CCNG2: variants seen among roughly 807,000 people sequenced by gnomAD.
The protein encoded by CCNG2 is cyclin-G2.
Under a neutral mutation model 36.5 loss-of-function variants are expected in CCNG2, and 20 were observed. That is an observed-to-expected ratio of 0.55 (90% CI 0.39 to 0.80). The LOEUF is 0.80. Among genes scored for constraint, CCNG2 ranks in the 30% least tolerant of loss-of-function variants. CCNG2 has a pLI of 0.00. For missense variants in CCNG2, 358 were observed against 390.8 expected (o/e 0.92, Z 0.71); for synonymous variants, 155 against 140.1 (o/e 1.11, Z -0.75).
chr4:77,157,964 C>G (rs1731311534), intron 1 of CCNG2, among the ~76,000 whole-genome samples: 1 of 152,098 alleles, frequency 6.6e-6, no homozygotes, highest in South Asian at 2.1e-4. Flanking sequence ...GGGTATCCGC[C>G]TCTCGGGTAA....
Position 77,158,763 on chromosome 4 carries a change from C to T in CCNG2, c.138+93C>T. ...CCCGTTGAATCATGACTAAAGCCTG[C>T]AAAATTTCTTAAAAGTTGTTCTTTC... On this transcript the variant is annotated intron_variant, in intron 2 of 7. Coordinates refer to ENST00000316355, the MANE Select transcript of CCNG2 (RefSeq NM_004354.3). 13 of 1,336,594 alleles carry T rather than the reference C, an allele frequency of 9.7e-6. 1 individual carries two copies. The South Asian group carries it at 1.6e-4, about 17-fold the overall frequency. 82.8% of individuals were successfully genotyped at this position (1,336,594 alleles called of 1,614,324 possible). A position where few individuals can be genotyped will look rare whatever the true frequency, so the allele number is the denominator to read the frequency against.
At chr4:77,158,819 T>C in intron 2 of CCNG2, 149 bp downstream of exon 2, 1 of 765,484 alleles carries the variant, frequency 1.3e-6, no homozygotes, top group Non-Finnish European at 2.1e-6. Context: ...TATTACAGGT[T>C]AATGCTTTTG....
rs1731411026 is a variant in CCNG2, at chr4:77,160,789, A to C, written c.345A>C (p.Glu115Asp). The part of the protein sequence containing the change: ...SFLLAARIVE[E>D]DCNIPSTHDV... ...TGCTGGCTGCTAGAATAGTTGAAGA[A>C]GACTGCAATATTCCATCCACTCATG... Residue 115 changes from glutamate to aspartate, a missense_variant, in exon 4 of 8, where the codon GAA (glutamate) becomes GAC (aspartate). Glu to Asp is a conservative substitution (Grantham distance 45). Transcript: ENST00000316355. 1 of 1,613,930 alleles carries C rather than the reference A, an allele frequency of 6.2e-7. No individual in the cohort carries two copies. The highest frequency in any genetic ancestry group is 8.5e-7 in the Non-Finnish European group (1 of 1,179,864).
At chr4:77,161,584 A>G (rs374894220) in intron 5 of CCNG2, 26 bp downstream of exon 5, 210 of 1,582,982 alleles carry the variant, frequency 1.3e-4, no homozygotes, top group African/African-American at 2.6e-4. Flanking sequence ...GCTTATGTAT[A>G]TATCTCACAG....
rs1451101662 is a variant in CCNG2 at position 77,169,303 on chromosome 4, G to A, written c.*3379G>A. ...TCAGCTTATTGAGACAACCCACTTA[G>A]ATTCATATATGGACAAGGACAAGGT... On this transcript the variant is annotated 3_prime_UTR_variant, in exon 8 of 8. Coordinates refer to ENST00000316355, the MANE Select transcript of CCNG2 (RefSeq NM_004354.3). 1 of 152,148 alleles carries A rather than the reference G, an allele frequency of 6.6e-6. No homozygotes were observed. Among genetic ancestry groups the A allele is most frequent in the African/African-American group, 2.4e-5 (1 of 41,430 alleles). 9.4% of individuals were successfully genotyped at this position (152,148 alleles called of 1,614,324 possible).
At chr4:77,165,105 CTTTG>C (rs926784643) in intron 7 of CCNG2, 7 of 152,072 alleles carry the variant, frequency 4.6e-5, no homozygotes, top group African/African-American at 1.7e-4. Context: ...AATTTGATTA[CTTTG>C]TTTGTAAAGT....
chr4:77,162,489 T>G (rs1400977778), intron 6 of CCNG2, among the ~76,000 whole-genome samples: 1 of 151,198 alleles, frequency 6.6e-6, no homozygotes, highest in Non-Finnish European at 1.5e-5. Context: ...TTCAAGTGAT[T>G]CTCCTGCGTC....
intron 2 of CCNG2, 115 bp downstream of exon 2, chr4:77,158,785 T>C: frequency 9.8e-7 from 1 of 1,018,636 alleles, no homozygotes; most frequent in South Asian, 1.6e-5. Context: ...AAAGTTGTTC[T>C]TTCTGGAGTA....
In CCNG2 at chr4:77,158,648, G is replaced by A. The variant is rs1322835308; in HGVS notation, c.116G>A (p.Ser39Asn). Residue 39 changes from serine (S) to asparagine (N), a missense_variant, in exon 2 of 8, where the codon AGT (serine) becomes AAT (asparagine). Physicochemically the swap from Ser to Asn is conservative, Grantham distance 46. Coordinates refer to ENST00000316355, the MANE Select transcript of CCNG2 (RefSeq NM_004354.3). The stretch of plus-strand genomic sequence containing the variant: ...TTCCAACCTCGAGAAAAAGGGCTGA[G>A]TTTGATTGAGGCTACCCCGGAGGTA... ...ERFQPREKGL[S>N]LIEATPENDN... is the part of the protein sequence containing the mutation. 2 of 1,614,182 alleles carry A rather than the reference G, an allele frequency of 1.2e-6. No individual in the cohort carries two copies. Among genetic ancestry groups the A allele is most frequent in the South Asian group, 2.2e-5 (2 of 91,086 alleles).
chr4:77,158,760 C>A, intron 2 of CCNG2, 90 bp downstream of exon 2: 1 of 1,373,208 alleles, frequency 7.3e-7, no homozygotes, highest in Non-Finnish European at 1.0e-6. Flanking sequence ...TGACTAAAGC[C>A]TGCAAAATTT....
rs1325733158 is a variant in CCNG2 at position 77,167,844 on chromosome 4, C to G, written c.*1920C>G. ...CCTACTTGAGGATGACCTTTCCTCT[C>G]TTACTAAATAATATTAGTAAATAGT... On this transcript the variant is annotated 3_prime_UTR_variant, in exon 8 of 8. Transcript: ENST00000316355. 1 of 152,204 alleles carries G rather than the reference C, an allele frequency of 6.6e-6. No individual in the cohort carries two copies. The highest frequency in any genetic ancestry group is 1.5e-5 in the Non-Finnish European group (1 of 68,044). 9.4% of individuals were successfully genotyped at this position (152,204 alleles called of 1,614,324 possible).
At chr4:77,158,308 G>A (rs1275479985) in intron 1 of CCNG2, 1 of 557,980 alleles carries the variant, frequency 1.8e-6, no homozygotes, top group Admixed American at 3.2e-5. Context: ...GTCTTACCCA[G>A]CGCTGGCCGG....
At chr4:77,163,269 A>T (rs1731536128) in intron 6 of CCNG2, among the ~76,000 whole-genome samples, 1 of 152,122 alleles carries the variant, frequency 6.6e-6, no homozygotes, top group African/African-American at 2.4e-5. Context: ...AGAAAGGTAC[A>T]TCCCCACAAG....
Position 77,160,991 on chromosome 4 carries a change from C to T in CCNG2, c.527+20C>T, listed in dbSNP as rs753599403. 3 of 1,544,490 alleles carry T rather than the reference C, an allele frequency of 1.9e-6. No individual in the cohort carries two copies. The highest frequency in any genetic ancestry group is 1.1e-5 in the South Asian group (1 of 88,160). On this transcript the variant is annotated intron_variant, in intron 4 of 7. Coordinates refer to ENST00000316355, the MANE Select transcript of CCNG2 (RefSeq NM_004354.3). ...AGAAAGGTCAGTGGGATTAAAGATA[C>T]ATTTTGTACTTTGAACATTGCTATA... is the stretch of plus-strand genomic sequence containing the variant.
At chr4:77,159,235 T>G in intron 2 of CCNG2, 132 bp from the exon 3 acceptor site, 1 of 722,342 alleles carries the variant, frequency 1.4e-6, no homozygotes, top group South Asian at 1.9e-5. Flanking sequence ...TTTCCACCTA[T>G]ATTCTTGAAG....
chr4:77,168,886 C>T lies in CCNG2; in HGVS notation c.*2962C>T, dbSNP rs1456040168. The T allele has an allele frequency of 2.0e-5, 3 of 152,196 alleles. No individual in the cohort carries two copies. Among genetic ancestry groups the T allele is most frequent in the Non-Finnish European group, 2.9e-5 (2 of 68,054 alleles). The allele number at this position is 152,196 out of a possible 1,614,324, so 9.4% of individuals were successfully genotyped here. On this transcript the variant is annotated 3_prime_UTR_variant, in exon 8 of 8. Coordinates refer to ENST00000316355, the MANE Select transcript of CCNG2 (RefSeq NM_004354.3). ...ACCATTTTGTCCTCATCCTTACCCC[C>T]GTTGACTTGGCGAGAGATTTGACCT...
chr4:77,161,091 T>C, intron 4 of CCNG2, 120 bp downstream of exon 4: 4 of 664,718 alleles, frequency 6.0e-6, no homozygotes, highest in Admixed American at 3.5e-5. Flanking sequence ...TTGACTTTAT[T>C]GGTAAATCTT....
intron 6 of CCNG2, among the ~76,000 whole-genome samples, chr4:77,162,607 TC>T (rs1731512727): frequency 6.6e-6 from 1 of 152,064 alleles, no homozygotes; most frequent in African/African-American, 2.4e-5. Flanking sequence ...GGTCTTGAAC[TC>T]CTGACTTCAA....
rs1177434707 is a variant in CCNG2, at chr4:77,169,816, C to A, written c.*3892C>A. Reference sequence around the variant, plus strand: ...GAACTACTCAGTCGATCCCAATCAACCCACAGACTCACTAGAAATAACAAA... The same window carrying A: ...GAACTACTCAGTCGATCCCAATCAAACCACAGACTCACTAGAAATAACAAA... On this transcript the variant is annotated 3_prime_UTR_variant, in exon 8 of 8. Transcript: ENST00000316355. The A allele has an allele frequency of 6.6e-6, 1 of 152,172 alleles. No homozygotes were observed. Among genetic ancestry groups the A allele is most frequent in the Non-Finnish European group, 1.5e-5 (1 of 68,038 alleles). The allele number at this position is 152,172 out of a possible 1,614,324, so 9.4% of individuals were successfully genotyped here.
Sources: gnomAD v4.1 joint callset for allele counts (sites outside exome capture counted in the v4.1 genomes callset) on GRCh38, gnomAD v4.1.1 for gene constraint, MANE v1.5 for transcripts, NCBI Gene and HGNC (gene_info 2026-07-23, HGNC 2026-07-21) for gene names.